XPO4: variants seen among roughly 807,000 people sequenced by gnomAD.
XPO4 encodes the protein exportin 4.
Under a neutral mutation model 143.0 loss-of-function variants are expected in XPO4, and 39 were observed. That is an observed-to-expected ratio of 0.27 (90% CI 0.21 to 0.36). The LOEUF is 0.36. XPO4 is among the 10% of genes least tolerant of loss of function. The pLI, the probability that XPO4 is intolerant of heterozygous loss-of-function variation, is 1.00. For missense variants in XPO4, 907 were observed against 1,348.0 expected (o/e 0.67, Z 5.12); for synonymous variants, 439 against 474.0 (o/e 0.93, Z 0.96).
chr13:20,812,793 G>GA (rs1468948093), intron 9 of XPO4, among the ~76,000 whole-genome samples: 2 of 152,138 alleles, frequency 1.3e-5, no homozygotes, highest in African/African-American at 4.8e-5. Context: ...AAGGCACATG[G>GA]AAACTCTCTG....
At chr13:20,885,744 G>T (rs1379393696) in intron 1 of XPO4, among the ~76,000 whole-genome samples, 1 of 152,084 alleles carries the variant, frequency 6.6e-6, no homozygotes, top group Non-Finnish European at 1.5e-5. Flanking sequence ...CTCAAGACCA[G>T]CCTGGTTAAT....
rs1309668741 is a variant in XPO4 at position 20,782,824 on chromosome 13, A to T, written c.*898T>A. 6.6e-6 allele frequency: 1 copy of T among 152,630 alleles called. No homozygotes were observed. Among genetic ancestry groups the T allele is most frequent in the African/African-American group, 2.4e-5 (1 of 41,454 alleles). The allele number at this position is 152,630 out of a possible 1,614,324, so 9.5% of individuals were successfully genotyped here. A position where few individuals can be genotyped will look rare whatever the true frequency, so the allele number is the denominator to read the frequency against. On this transcript the variant is annotated 3_prime_UTR_variant, in exon 23 of 23. Coordinates refer to ENST00000255305, the MANE Select transcript of XPO4 (RefSeq NM_022459.5). The stretch of plus-strand genomic sequence containing the variant: ...AGCTGTTTTTGTATTTTCCTCTTAA[A>T]ATTAAGGCAATGAAATGGCTACAGT...
chr13:20,868,275 C>A, intron 2 of XPO4: 1 of 193,704 alleles, frequency 5.2e-6, no homozygotes. Flanking sequence ...ATAGTACATA[C>A]CCTGTAATAA....
At position 20,899,610 on chromosome 13, in the gene XPO4, A is replaced by G. The variant is rs189010719; in HGVS notation, c.69+3060T>C. On this transcript the variant is annotated intron_variant, in intron 1 of 22. Coordinates refer to ENST00000255305, the MANE Select transcript of XPO4 (RefSeq NM_022459.5). ...ACATTTACACCAAAAAATTTGTTAC[A>G]ATTTCCTTTTGATATTCATCCTAGA... Among the ~76,000 whole-genome samples the G allele has an allele frequency of 3.6e-4, 55 of 152,308 alleles. No individual in the cohort carries two copies. The Middle Eastern group carries it at 0.014, about 38-fold the overall frequency.
At chr13:20,848,728 T>C (rs2060052827) in intron 4 of XPO4, 1 of 985,300 alleles carries the variant, frequency 1.0e-6, no homozygotes, top group African/African-American at 1.7e-5. Context: ...CAGTGTTTAC[T>C]TCTATGCCCA....
At chr13:20,790,786 C>T (rs1040988967) in intron 18 of XPO4, among the ~76,000 whole-genome samples, 37 of 152,132 alleles carry the variant, frequency 2.4e-4, no homozygotes, top group Middle Eastern at 6.8e-3. Context: ...GATCTGAGAC[C>T]CCAGCCCTGT....
chr13:20,821,631 T>G, intron 9 of XPO4, 73 bp downstream of exon 9: 67 of 1,469,038 alleles, frequency 4.6e-5, no homozygotes, highest in Non-Finnish European at 5.7e-5. Context: ...TTACTTGTCA[T>G]GAGAAATGTT....
At chr13:20,878,362 T>C (rs2060373982) in intron 1 of XPO4, among the ~76,000 whole-genome samples, 1 of 152,142 alleles carries the variant, frequency 6.6e-6, no homozygotes, top group African/African-American at 2.4e-5. Context: ...CTTCTCCCCT[T>C]TCCCACATAC....
intron 9 of XPO4, among the ~76,000 whole-genome samples, chr13:20,817,524 C>T (rs1388039932): frequency 1.3e-5 from 2 of 152,158 alleles, no homozygotes; most frequent in Non-Finnish European, 2.9e-5. Flanking sequence ...TTATTTACCA[C>T]GATTGCCCTT....
chr13:20,792,634 C>G (rs550269219), intron 18 of XPO4, among the ~76,000 whole-genome samples: 88 of 149,578 alleles, frequency 5.9e-4, no homozygotes, highest in Non-Finnish European at 1.0e-3. Flanking sequence ...ATAATCCCAG[C>G]TACTCGTAAG....
At chr13:20,801,053 T>G in intron 13 of XPO4, 63 bp from the exon 14 acceptor site, 2 of 1,576,446 alleles carry the variant, frequency 1.3e-6, no homozygotes, top group Non-Finnish European at 1.7e-6. Context: ...TAATCATATT[T>G]TTTTCCTTAA....
intron 4 of XPO4, among the ~76,000 whole-genome samples, chr13:20,846,254 A>T (rs1292341262): frequency 6.6e-6 from 1 of 152,246 alleles, no homozygotes; most frequent in East Asian, 1.9e-4. Context: ...ATTAATGATC[A>T]CAGCCATACG....
chr13:20,895,493 G>A (rs1332917047), intron 1 of XPO4, among the ~76,000 whole-genome samples: 4 of 152,016 alleles, frequency 2.6e-5, no homozygotes, highest in Admixed American at 1.3e-4. Context: ...TTAGCTGGGT[G>A]TGGTGGTGCA....
chr13:20,821,330 C>A (rs1029767634), intron 9 of XPO4, among the ~76,000 whole-genome samples: 2 of 151,118 alleles, frequency 1.3e-5, no homozygotes, highest in Non-Finnish European at 2.9e-5. Flanking sequence ...AAAAATTACA[C>A]GTAATTACAC....
At chr13:20,877,491 T>G (rs1364955681) in intron 1 of XPO4, among the ~76,000 whole-genome samples, 1 of 152,190 alleles carries the variant, frequency 6.6e-6, no homozygotes, top group African/African-American at 2.4e-5. Context: ...ATGATAGCTG[T>G]AGTTCTACTA....
intron 13 of XPO4, among the ~76,000 whole-genome samples, chr13:20,804,097 TCCC>T (rs2137864363): frequency 6.6e-6 from 1 of 151,546 alleles, no homozygotes; most frequent in African/African-American, 2.4e-5. Flanking sequence ...AAAGCCCATC[TCCC>T]CATCTTTTTT....
At chr13:20,800,801 C>G in intron 14 of XPO4, 30 bp downstream of exon 14, 1 of 1,598,104 alleles carries the variant, frequency 6.3e-7, no homozygotes, top group Non-Finnish European at 8.5e-7. Flanking sequence ...ATCATAAATC[C>G]AAATGAAGTT....
chr13:20,850,426 A>C (rs1260455855), intron 4 of XPO4: 1 of 228,968 alleles, frequency 4.4e-6, no homozygotes, highest in African/African-American at 2.3e-5. Context: ...ATTATACTAC[A>C]CTGCCCCTAA....
chr13:20,849,420 T>G (rs558606315), intron 4 of XPO4: 3 of 984,764 alleles, frequency 3.0e-6, no homozygotes, highest in African/African-American at 1.7e-5. Context: ...GCCTACTGCT[T>G]TCAAAGGAAA....
Sources: allele counts gnomAD v4.1 joint callset (sites outside exome capture counted in the v4.1 genomes callset), GRCh38; gene constraint gnomAD v4.1.1; transcripts MANE v1.5; gene names NCBI Gene and HGNC (gene_info 2026-07-23, HGNC 2026-07-21).